The following HECTD4 variants were observed in gnomAD, a reference collection of about 807,000 sequenced individuals.
The protein encoded by HECTD4 is HECT domain E3 ubiquitin protein ligase 4.
Under a neutral mutation model 471.5 loss-of-function variants are expected in HECTD4, and 114 were observed. The ratio of observed to expected loss-of-function variants is 0.24; its 90% CI spans 0.21 to 0.28. HECTD4 has a LOEUF of 0.28. Among genes scored for constraint, HECTD4 ranks in the 10% least tolerant of loss-of-function variants. The probability of loss-of-function intolerance (pLI) is 1.00; values close to 1 mark genes in which losing one functional copy is unlikely to be tolerated. For synonymous variants in HECTD4, 2,012 were observed against 2,256.0 expected (o/e 0.89, Z 3.07); for missense variants, 3,866 against 5,651.5 (o/e 0.68, Z 10.13).
chr12:112,304,213 C>T (rs951310791), intron 7 of HECTD4, among the ~76,000 whole-genome samples: 11 of 149,938 alleles, frequency 7.3e-5, no homozygotes. Context: ...TTCAATGTTC[C>T]CATTATTCTT....
intron 1 of HECTD4, among the ~76,000 whole-genome samples, chr12:112,363,968 G>T (rs911610879): frequency 8.7e-6 from 1 of 115,602 alleles, no homozygotes; most frequent in African/African-American, 3.5e-5. Flanking sequence ...CTCCAGCCTG[G>T]ATGACAGAGC....
At chr12:112,246,455 G>T (rs2135583924) in intron 29 of HECTD4, among the ~76,000 whole-genome samples, 1 of 152,036 alleles carries the variant, frequency 6.6e-6, no homozygotes, top group Middle Eastern at 3.4e-3. Flanking sequence ...CCAACATAGT[G>T]AAACCCCGTC....
At chr12:112,171,069 A>G (rs777331099) in intron 68 of HECTD4, 48 bp downstream of exon 68, 4 of 1,517,710 alleles carry the variant, frequency 2.6e-6, no homozygotes, top group Non-Finnish European at 3.6e-6. Context: ...GGTGTCTTGC[A>G]GGTCACCTCT....
intron 55 of HECTD4, 101 bp from the exon 56 acceptor site, chr12:112,195,167 G>GCTTCT: frequency 9.8e-7 from 1 of 1,017,980 alleles, no homozygotes; most frequent in Non-Finnish European, 1.4e-6. Flanking sequence ...CCTGCCTCAG[G>GCTTCT]CTTCTCTTCC....
In HECTD4 at chr12:112,231,720, G is replaced by C. The variant is rs1317539728; in HGVS notation, c.5998-5C>G. On this transcript the variant is annotated splice_region_variant and splice_polypyrimidine_tract_variant and intron_variant, in intron 38 of 75. Transcript: ENST00000682272. ...AATCACTTCGCAACAGCCACCCTGG[G>C]GTGAGGTTGAAGACGCTGAGAAGAT... 2 of 1,608,494 alleles carry C rather than the reference G, an allele frequency of 1.2e-6. No homozygotes were observed. The highest frequency in any genetic ancestry group is 1.7e-6 in the Non-Finnish European group (2 of 1,178,530).
intron 60 of HECTD4, among the ~76,000 whole-genome samples, chr12:112,187,105 G>A (rs909581412): frequency 9.9e-5 from 15 of 151,960 alleles, no homozygotes; most frequent in African/African-American, 1.5e-4. Context: ...TCAGCCTCCC[G>A]AGTAGCTTGG....
At position 112,298,345 on chromosome 12, in the gene HECTD4, C is replaced by G. The variant is rs139613632; in HGVS notation, c.1335+7719G>C. On this transcript the variant is annotated intron_variant, in intron 7 of 75. Coordinates refer to ENST00000682272, the MANE Select transcript of HECTD4 (RefSeq NM_001388303.1). ...TTGCAGAAAAATTCTGTCCCCTAGC[C>G]CCTTTTATTACACAGCAGGTAGTGA... Among the ~76,000 whole-genome samples the G allele has an allele frequency of 3.6e-3, 547 of 152,118 alleles. 4 individuals carry two copies. Among genetic ancestry groups the G allele is most frequent in the Middle Eastern group, 0.017 (5 of 294 alleles).
intron 60 of HECTD4, among the ~76,000 whole-genome samples, chr12:112,186,638 C>T (rs2031874513): frequency 6.7e-6 from 1 of 149,278 alleles, no homozygotes; most frequent in South Asian, 2.1e-4. Flanking sequence ...TGTGCCCGAC[C>T]TTCTTTAGTA....
chr12:112,335,363 G>C (rs1212247064), intron 1 of HECTD4, among the ~76,000 whole-genome samples: 1 of 152,136 alleles, frequency 6.6e-6, no homozygotes, highest in Non-Finnish European at 1.5e-5. Flanking sequence ...ACACAATGGG[G>C]TTTGGGGACT....
At chr12:112,284,139 T>C (rs969606216) in intron 7 of HECTD4, among the ~76,000 whole-genome samples, 4 of 152,160 alleles carry the variant, frequency 2.6e-5, no homozygotes, top group African/African-American at 9.7e-5. Context: ...TTATTGAAGA[T>C]GAACCCTTCC....
intron 25 of HECTD4, 70 bp downstream of exon 25, chr12:112,250,074 A>C (rs1423350482): frequency 1.9e-6 from 2 of 1,035,878 alleles, no homozygotes; most frequent in Non-Finnish European, 1.5e-6. Context: ...CACAGAAGAA[A>C]TATACCCATT....
chr12:112,192,986 T>G (rs2032132990), intron 58 of HECTD4, 75 bp downstream of exon 58: 3 of 1,566,438 alleles, frequency 1.9e-6, no homozygotes, highest in Non-Finnish European at 2.6e-6. Context: ...TGAATTTTTT[T>G]CCTTGGCCAG....
rs1419271954 is a variant in HECTD4, at chr12:112,184,687, C to A, written c.10279G>T (p.Val3427Phe). Residue 3427 changes from valine to phenylalanine, a missense_variant, in exon 61 of 76, where the codon GTC becomes TTC. Val to Phe is a conservative substitution (Grantham distance 50, BLOSUM62 -1). Coordinates refer to ENST00000682272, the MANE Select transcript of HECTD4 (RefSeq NM_001388303.1). This position sits in a 1 kb window ranked among gnomAD's most constrained non-coding sequence, Gnocchi z 9.1. ...GGGATGTAGATCTCGTCTTTGAAGA[C>A]CCCGCCGTGGGCGTTGCAGGCCTTG... is the stretch of plus-strand genomic sequence containing the variant. ...IRKACNAHGG[V>F]FKDEIYIPLQ... is the part of the protein sequence containing the mutation. 1 of 1,606,090 alleles carries A rather than the reference C, an allele frequency of 6.2e-7. No individual in the cohort carries two copies. The highest frequency in any genetic ancestry group is 8.5e-7 in the Non-Finnish European group (1 of 1,176,644).
In HECTD4 at chr12:112,192,778, G is replaced by A; in HGVS notation, c.9087-13C>T. The A allele has an allele frequency of 1.9e-6, 3 of 1,561,490 alleles. No homozygotes were observed. Among genetic ancestry groups the A allele is most frequent in the Non-Finnish European group, 2.6e-6 (3 of 1,151,364 alleles). ...GTACAGAGAGGAGCTGAGAAGGAGG[G>A]ATGGGTGGGTGTTAATACAGGGTCT... On this transcript the variant is annotated splice_polypyrimidine_tract_variant and intron_variant, in intron 58 of 75. Coordinates refer to ENST00000682272, the MANE Select transcript of HECTD4 (RefSeq NM_001388303.1).
At chr12:112,225,774 T>C (rs2135560369) in intron 44 of HECTD4, among the ~76,000 whole-genome samples, 1 of 152,196 alleles carries the variant, frequency 6.6e-6, no homozygotes, top group African/African-American at 2.4e-5. Flanking sequence ...AATTAGGAAG[T>C]TAAACACTGA....
intron 1 of HECTD4, among the ~76,000 whole-genome samples, chr12:112,371,886 C>CAAAAAAAA (rs535844706): frequency 1.1e-3 from 64 of 56,956 alleles, no homozygotes; most frequent in African/African-American, 1.8e-3. Flanking sequence ...AACTCTGTCT[C>CAAAAAAAA]AAAAAAAAAA....
chr12:112,208,989 C>G (rs1593931827), intron 50 of HECTD4, among the ~76,000 whole-genome samples: 1 of 144,260 alleles, frequency 6.9e-6, no homozygotes, highest in East Asian at 2.3e-4. Context: ...GCAGCTAAAC[C>G]TCCTGGGCTC....
In HECTD4 at chr12:112,219,361, G is replaced by A. The variant is rs372553168; in HGVS notation, c.7074+25C>T. The A allele has an allele frequency of 1.3e-5, 20 of 1,556,860 alleles. No individual in the cohort carries two copies. In the African/African-American group the frequency reaches 2.4e-4, roughly 19 times the overall value. On this transcript the variant is annotated intron_variant, in intron 45 of 75. Coordinates refer to ENST00000682272, the MANE Select transcript of HECTD4 (RefSeq NM_001388303.1). Reference sequence around the variant, plus strand: ...GTGATGTGTGTGGAGGCTGCAGGAGGCGCGAAGCACCGCAGAGGGCTCACC... The same window carrying A: ...GTGATGTGTGTGGAGGCTGCAGGAGACGCGAAGCACCGCAGAGGGCTCACC...
At chr12:112,247,100 T>C (rs1038940471) in intron 28 of HECTD4, 24 bp from the exon 29 acceptor site, 6 of 1,561,262 alleles carry the variant, frequency 3.8e-6, no homozygotes, top group African/African-American at 2.7e-5. Context: ...CTGATGTGCA[T>C]TGAGTTGTTC....
Sources: gnomAD v4.1 joint callset for allele counts (sites outside exome capture counted in the v4.1 genomes callset) on GRCh38, gnomAD v4.1.1 for gene constraint, Gnocchi (gnomAD v3.1) non-coding constraint, MANE v1.5 for transcripts, NCBI Gene and HGNC (gene_info 2026-07-23, HGNC 2026-07-21) for gene names.